The following REG1B variants were observed in gnomAD, a reference collection of about 807,000 sequenced individuals.
The protein encoded by REG1B is regenerating family member 1 beta.
In REG1B, 21 loss-of-function variants were observed where a neutral mutation model predicts 20.4. The observed-to-expected ratio is 1.03, with a 90% CI of 0.73 to 1.48. The LOEUF (loss-of-function observed/expected upper bound fraction) is 1.48, where lower values mean the gene tolerates loss of function less well. Ranked by LOEUF, REG1B falls within the 40% of genes most tolerant of loss-of-function variation. The probability of loss-of-function intolerance (pLI) is 0.00; values close to 1 mark genes in which losing one functional copy is unlikely to be tolerated. For missense variants in REG1B, 247 were observed against 197.2 expected, an observed-to-expected ratio of 1.25 and a Z score of -1.51; for synonymous variants, 82 against 73.4, an observed-to-expected ratio of 1.12 and a Z score of -0.60.
At position 79,086,922 on chromosome 2, in the gene REG1B, A is replaced by G; in HGVS notation, c.73T>C (p.Ser25Pro). Residue 25 changes from serine to proline, a missense_variant, in exon 3 of 6, where the codon TCC becomes CCC. Ser to Pro is a moderately conservative substitution (Grantham distance 74). Transcript: ENST00000305089. ...CGGGGATTAGGCAGCTCTGTCTGGG[A>G]CTCCTGGCCTGGGGAAAAAAAAAAG... The part of the protein sequence containing the change: ...MFLSLSQGQE[S>P]QTELPNPRIS... 1 of 1,612,246 alleles carries G rather than the reference A, an allele frequency of 6.2e-7. No individual in the cohort carries two copies. The highest frequency in any genetic ancestry group is 1.7e-4 in the Middle Eastern group (1 of 6,056).
rs760488377 is a variant in REG1B at position 79,086,833 on chromosome 2, A to C, written c.162T>G (p.Pro54=). ...RSYCYYFNED[P]ETWVDADLYC... The stretch of plus-strand genomic sequence containing the variant: ...TCACATCTGCATCAACCCAGGTCTC[A>C]GGGTCTTCATTAAAGTAGTAGCAGT... The change falls in exon 3 of 6, where the codon CCT becomes CCG. Residue 54 remains proline (P), a synonymous_variant. Transcript: ENST00000305089. 6.2e-7 allele frequency: 1 copy of C among 1,613,778 alleles called. No homozygotes were observed. The highest frequency in any genetic ancestry group is 8.5e-7 in the Non-Finnish European group (1 of 1,179,758).
At chr2:79,085,711 A>T in intron 4 of REG1B, 108 bp from the exon 5 acceptor site, 1 of 643,638 alleles carries the variant, frequency 1.6e-6, no homozygotes, top group Non-Finnish European at 2.7e-6. Context: ...AGAAAGAATA[A>T]ACATTGTTGT....
At chr2:79,087,703 C>A in intron 1 of REG1B, 45 bp from the exon 2 acceptor site, 1 of 1,229,034 alleles carries the variant, frequency 8.1e-7, no homozygotes, top group East Asian at 2.4e-5. Flanking sequence ...GAGAGCAGAG[C>A]ACCTGTTATC....
At chr2:79,085,416 TCCCAGTC>T (rs781520106) in intron 5 of REG1B, 69 bp downstream of exon 5, 1 of 1,395,650 alleles carries the variant, frequency 7.2e-7, no homozygotes, top group Non-Finnish European at 1.0e-6. Flanking sequence ...CTTTCCTCTA[TCCCAGTC>T]CCCATGTTCA....
intron 2 of REG1B, chr2:79,087,294 C>T: frequency 7.3e-6 from 4 of 548,534 alleles, no homozygotes; most frequent in Non-Finnish European, 1.3e-5. Context: ...ATCCCCCAAA[C>T]TGCCATCGCA....
rs1432065673 is a variant in REG1B at position 79,086,943 on chromosome 2, A to C, written c.65-13T>G. On this transcript the variant is annotated splice_polypyrimidine_tract_variant and intron_variant, in intron 2 of 5. Transcript: ENST00000305089. ...TGGGACTCCTGGCCTGGGGAAAAAA[A>C]AAAGGAGATAATTAAGAAAGAATCG... 6.2e-7 allele frequency: 1 copy of C among 1,604,164 alleles called. No homozygotes were observed. Among genetic ancestry groups the C allele is most frequent in the South Asian group, 1.1e-5 (1 of 90,888 alleles).
rs200207585 is a variant in REG1B, at chr2:79,086,379, A to G, written c.309T>C (p.His103=). 2.0e-3 allele frequency: 3,236 copies of G among 1,614,070 alleles called. 72 individuals are homozygous for G. In the South Asian group the frequency reaches 0.034, roughly 17 times the overall value. The change falls in exon 4 of 6, where the codon CAT becomes CAC. Residue 103 remains histidine (H), a synonymous_variant. Transcript: ENST00000305089. ...GCTGCAGACTGACCTTTTTTGGGTC[A>G]TGGAGGCCAATCCAGACATTGCTGT... ...TDDSNVWIGL[H]DPKKNRRWHW...
Position 79,087,983 on chromosome 2 carries a change from T to G in REG1B, c.-71A>C, listed in dbSNP as rs1435843987. On this transcript the variant is annotated 5_prime_UTR_variant, in exon 1 of 6. Coordinates refer to ENST00000305089, the MANE Select transcript of REG1B (RefSeq NM_006507.4). ...CCTGTTGGTAAGTGCCTTGTCCACTTGAGGTGGCTTGTCAGGTCAGACAGA... is the reference window on the plus strand; with the variant it reads ...CCTGTTGGTAAGTGCCTTGTCCACTGGAGGTGGCTTGTCAGGTCAGACAGA... 1 of 183,648 alleles carries G rather than the reference T, an allele frequency of 5.4e-6. No individual in the cohort carries two copies. Among genetic ancestry groups the G allele is most frequent in the African/African-American group, 2.4e-5 (1 of 42,520 alleles). The allele number at this position is 183,648 out of a possible 1,614,324, so 11.4% of individuals were successfully genotyped here.
At chr2:79,087,011 G>T in intron 2 of REG1B, 81 bp from the exon 3 acceptor site, 2 of 1,150,238 alleles carry the variant, frequency 1.7e-6, no homozygotes, top group Non-Finnish European at 2.6e-6. Context: ...GGGCTTCTTG[G>T]TGTCCTTTAT....
At chr2:79,087,201 G>T (rs1350766136) in intron 2 of REG1B, 6 of 530,780 alleles carry the variant, frequency 1.1e-5, no homozygotes, top group South Asian at 2.5e-5. Flanking sequence ...AAAGACCCAG[G>T]CTTCCTCCTT....
chr2:79,087,803 G>T (rs975046690), intron 1 of REG1B, 145 bp from the exon 2 acceptor site: 6 of 503,754 alleles, frequency 1.2e-5, no homozygotes, highest in African/African-American at 9.7e-5. Context: ...TTGGTTTGGG[G>T]ATAACAGAGG....
chr2:79,087,755 G>C, intron 1 of REG1B, 97 bp from the exon 2 acceptor site: 1 of 717,236 alleles, frequency 1.4e-6, no homozygotes, highest in Non-Finnish European at 2.2e-6. Flanking sequence ...TGAGCCGAAA[G>C]GTCCACTGAG....
Position 79,085,501 on chromosome 2 carries a change from A to C in REG1B, c.424T>G (p.Ser142Ala). 6.2e-7 allele frequency: 1 copy of C among 1,613,016 alleles called. No homozygotes were observed. The change falls in exon 5 of 6, where the codon TCA becomes GCA. Residue 142 changes from serine to alanine, a missense_variant. Transcript: ENST00000305089. ...ANAGYCASLT[S>A]CSGFKKWKDE... ...ATTGTCTGCCTCTCACCTGAGCATG[A>C]AGTCAGGCTTGCACAGTAGCCAGCA...
At chr2:79,086,249 G>C (rs1039349062) in intron 4 of REG1B, 118 bp downstream of exon 4, 1 of 1,034,546 alleles carries the variant, frequency 9.7e-7, no homozygotes, top group Non-Finnish European at 1.4e-6. Flanking sequence ...CTATAAAGAG[G>C]TTGCTTTTAT....
chr2:79,086,383 A>C lies in REG1B; in HGVS notation c.305T>G (p.Leu102Arg). ...STDDSNVWIGLHDPKKNRRWH... is the reference protein window; with the variant it reads ...STDDSNVWIGRHDPKKNRRWH... ...CAGACTGACCTTTTTTGGGTCATGG[A>C]GGCCAATCCAGACATTGCTGTCATC... The change falls in exon 4 of 6, where the codon CTC (leucine) becomes CGC (arginine). Residue 102 changes from leucine (L) to arginine (R), a missense_variant. Coordinates refer to ENST00000305089, the MANE Select transcript of REG1B (RefSeq NM_006507.4). 2 of 1,614,064 alleles carry C rather than the reference A, an allele frequency of 1.2e-6. No homozygotes were observed.
chr2:79,087,982 T>C lies in REG1B; in HGVS notation c.-70A>G. 5.5e-6 allele frequency: 1 copy of C among 183,486 alleles called. No individual in the cohort carries two copies. Among genetic ancestry groups the C allele is most frequent in the Non-Finnish European group, 1.2e-5 (1 of 86,810 alleles). The allele number at this position is 183,486 out of a possible 1,614,324, so 11.4% of individuals were successfully genotyped here. A position where few individuals can be genotyped will look rare whatever the true frequency, so the allele number is the denominator to read the frequency against. ...ACCTGTTGGTAAGTGCCTTGTCCAC[T>C]TGAGGTGGCTTGTCAGGTCAGACAG... On this transcript the variant is annotated 5_prime_UTR_variant, in exon 1 of 6. Coordinates refer to ENST00000305089, the MANE Select transcript of REG1B (RefSeq NM_006507.4).
chr2:79,085,653 A>G, intron 4 of REG1B, 50 bp from the exon 5 acceptor site: 1 of 1,220,226 alleles, frequency 8.2e-7, no homozygotes, highest in East Asian at 2.3e-5. Flanking sequence ...AAAAATCAAT[A>G]GAATAACCAG....
At position 79,086,438 on chromosome 2, in the gene REG1B, C is replaced by A; in HGVS notation, c.250G>T (p.Val84Leu). ...SVLTQAEGAF[V>L]ASLIKESSTD... The stretch of plus-strand genomic sequence containing the variant: ...CTACTCTCCTTAATCAGTGAGGCCA[C>A]GAAGGCACCCTCCGCCTGGGTGAGC... Residue 84 changes from valine (V) to leucine (L), a missense_variant, in exon 4 of 6, where the codon GTG (valine) becomes TTG (leucine). Coordinates refer to ENST00000305089, the MANE Select transcript of REG1B (RefSeq NM_006507.4). 1 of 1,614,048 alleles carries A rather than the reference C, an allele frequency of 6.2e-7. No individual in the cohort carries two copies. Among genetic ancestry groups the A allele is most frequent in the Non-Finnish European group, 8.5e-7 (1 of 1,179,978 alleles).
chr2:79,087,125 C>A, intron 2 of REG1B, 195 bp from the exon 3 acceptor site: 1 of 592,014 alleles, frequency 1.7e-6, no homozygotes, highest in Admixed American at 3.0e-5. Context: ...CAAGAGCTCA[C>A]AATGAATAGG....
Sources: allele counts gnomAD v4.1 joint callset, GRCh38; gene constraint gnomAD v4.1.1; transcripts MANE v1.5; gene names NCBI Gene and HGNC (gene_info 2026-07-23, HGNC 2026-07-21).